MPRIP: variants seen among roughly 807,000 people sequenced by gnomAD.
MPRIP encodes the protein myosin phosphatase Rho-interacting protein.
MPRIP carries 59 observed loss-of-function variants against 234.9 expected under a neutral mutation model. The observed-to-expected ratio is 0.25, with a 90% CI of 0.20 to 0.31. MPRIP has a LOEUF of 0.31. MPRIP is among the 10% of genes least tolerant of loss of function. The pLI is 1.00. For missense variants in MPRIP, 2,436 were observed against 3,071.0 expected (o/e 0.79, Z 4.89); for synonymous variants, 1,144 against 1,263.9 (o/e 0.91, Z 2.01).
chr17:17,058,509 C>A (rs1259591491), intron 1 of MPRIP, among the ~76,000 whole-genome samples: 1 of 147,602 alleles, frequency 6.8e-6, no homozygotes, highest in African/African-American at 2.5e-5. Context: ...AGGAGAGCCC[C>A]AGGGGCCATG....
At position 17,175,314 on chromosome 17, in the gene MPRIP, G is replaced by T. The variant is rs1168809753; in HGVS notation, c.6772G>T (p.Ala2258Ser). 1.2e-6 allele frequency: 2 copies of T among 1,613,454 alleles called. No homozygotes were observed. The highest frequency in any genetic ancestry group is 1.7e-6 in the Non-Finnish European group (2 of 1,179,990). Residue 2258 changes from alanine (A) to serine (S), a missense_variant, in exon 20 of 24, where the codon GCA becomes TCA. Physicochemically the swap from Ala to Ser is moderately conservative, Grantham distance 99. Transcript: ENST00000651222. ...HNQELNNRLA[A>S]EITRLRTLLT... ...CCAGGAGCTGAACAACCGCCTGGCT[G>T]CAGAGATCACACGGTTGCGGACGCT...
At chr17:17,103,582 A>G (rs2090005605) in intron 3 of MPRIP, among the ~76,000 whole-genome samples, 1 of 152,220 alleles carries the variant, frequency 6.6e-6, no homozygotes, top group South Asian at 2.1e-4. Flanking sequence ...GCTGTTAAAA[A>G]AAACTGCCCC....
At chr17:17,123,842 T>G (rs1440702996) in intron 3 of MPRIP, among the ~76,000 whole-genome samples, 2 of 152,154 alleles carry the variant, frequency 1.3e-5, no homozygotes, top group Admixed American at 6.5e-5. Flanking sequence ...AGTTAAAATA[T>G]TCCCTTCTTT....
At chr17:17,080,810 C>T (rs1420039633) in intron 3 of MPRIP, among the ~76,000 whole-genome samples, 2 of 152,318 alleles carry the variant, frequency 1.3e-5, no homozygotes, top group African/African-American at 2.4e-5. Flanking sequence ...TTAAACAGCA[C>T]GGGACTCACC....
chr17:17,087,576 C>T (rs965710605), intron 3 of MPRIP, among the ~76,000 whole-genome samples: 2 of 152,204 alleles, frequency 1.3e-5, no homozygotes, highest in Non-Finnish European at 1.5e-5. Context: ...CACAGGTTGG[C>T]CCTGGCCAGA....
intron 3 of MPRIP, among the ~76,000 whole-genome samples, chr17:17,120,204 C>T (rs1218642963): frequency 6.6e-6 from 1 of 152,210 alleles, no homozygotes; most frequent in Non-Finnish European, 1.5e-5. Context: ...CAAACAGCCT[C>T]TCACCATATT....
In MPRIP at chr17:17,187,525, C is replaced by T. The variant is rs911039076; in HGVS notation, c.*2631C>T. On this transcript the variant is annotated 3_prime_UTR_variant, in exon 24 of 24. Coordinates refer to ENST00000651222, the MANE Select transcript of MPRIP (RefSeq NM_001364716.4). ...CCATCCTGCGATGGAGTGAACCAGG[C>T]GAGAAAGGATGACGATGTTCTTCAT... The T allele has an allele frequency of 7.2e-5, 11 of 152,302 alleles. No homozygotes were observed. In the South Asian group the frequency reaches 8.3e-4, roughly 11 times the overall value. The allele number at this position is 152,302 out of a possible 1,614,324, so 9.4% of individuals were successfully genotyped here.
chr17:17,117,616 A>G (rs148887465), intron 3 of MPRIP, among the ~76,000 whole-genome samples: 29 of 152,322 alleles, frequency 1.9e-4, no homozygotes, highest in African/African-American at 5.8e-4. Context: ...TTGTCCACTG[A>G]TGGACATTTG....
intron 3 of MPRIP, chr17:17,096,669 C>T (rs747219392): frequency 2.2e-4 from 96 of 443,006 alleles, no homozygotes; most frequent in Non-Finnish European, 2.9e-4. Context: ...GCTGATACTC[C>T]GGCTGCCTTG....
chr17:17,083,804 C>T (rs186179433), intron 3 of MPRIP, among the ~76,000 whole-genome samples: 1 of 152,194 alleles, frequency 6.6e-6, no homozygotes, highest in East Asian at 1.9e-4. Flanking sequence ...AGTGCAGTGG[C>T]GTGATCTTGG....
chr17:17,043,664 C>G (rs1211340202), intron 1 of MPRIP, among the ~76,000 whole-genome samples: 1 of 152,200 alleles, frequency 6.6e-6, no homozygotes, highest in East Asian at 1.9e-4. Context: ...CCATTAAACA[C>G]AGAGTTCTGG....
chr17:17,095,495 T>C (rs1465281275), intron 3 of MPRIP, among the ~76,000 whole-genome samples: 4 of 152,140 alleles, frequency 2.6e-5, no homozygotes, highest in Non-Finnish European at 5.9e-5. Flanking sequence ...TTTCCCCTGA[T>C]AGGAATTCTC....
intron 1 of MPRIP, among the ~76,000 whole-genome samples, chr17:17,073,099 G>A (rs1170864163): frequency 2.0e-5 from 3 of 151,830 alleles, no homozygotes; most frequent in South Asian, 2.1e-4. Context: ...AACCCCTTCC[G>A]CCGTCCCAGC....
Position 17,166,807 on chromosome 17 carries a change from A to G in MPRIP, c.5216A>G (p.Asp1739Gly), listed in dbSNP as rs1412174602. The G allele has an allele frequency of 1.8e-5, 24 of 1,304,038 alleles. No homozygotes were observed. Among genetic ancestry groups the G allele is most frequent in the Non-Finnish European group, 2.4e-5 (24 of 988,958 alleles). 80.8% of individuals were successfully genotyped at this position (1,304,038 alleles called of 1,614,324 possible). ...CTCAGGCTTCCAGCGGGCCATGAAGATGGTGTTCAGCTGTCCTGGGACCTG... is the reference window on the plus strand; with the variant it reads ...CTCAGGCTTCCAGCGGGCCATGAAGGTGGTGTTCAGCTGTCCTGGGACCTG... ...EALRLPAGHEDGVQLSWDLSP... is the reference protein window; with the variant it reads ...EALRLPAGHEGGVQLSWDLSP... Residue 1739 changes from aspartate to glycine, a missense_variant, in exon 16 of 24, where the codon GAT becomes GGT. Coordinates refer to ENST00000651222, the MANE Select transcript of MPRIP (RefSeq NM_001364716.4). This position sits in a 1 kb window ranked among gnomAD's most constrained non-coding sequence, Gnocchi z 4.4.
At chr17:17,108,291 C>T (rs2090102522) in intron 3 of MPRIP, among the ~76,000 whole-genome samples, 2 of 152,214 alleles carry the variant, frequency 1.3e-5, no homozygotes, top group African/African-American at 2.4e-5. Flanking sequence ...TCATCAGGCC[C>T]TCTTTGGCCC....
At chr17:17,107,339 G>A (rs536485182) in intron 3 of MPRIP, among the ~76,000 whole-genome samples, 5 of 152,364 alleles carry the variant, frequency 3.3e-5, no homozygotes, top group Admixed American at 2.6e-4. Context: ...GAGCCTCAGA[G>A]CCTGGGCAGG....
chr17:17,175,533 C>T (rs1364938652), intron 20 of MPRIP, 121 bp downstream of exon 20: 3 of 1,302,710 alleles, frequency 2.3e-6, no homozygotes, highest in Non-Finnish European at 3.1e-6. Flanking sequence ...GCAGGAGTCA[C>T]AGGGTCCAGG....
At chr17:17,080,726 G>A (rs886093865) in intron 3 of MPRIP, among the ~76,000 whole-genome samples, 3 of 152,218 alleles carry the variant, frequency 2.0e-5, no homozygotes, top group Admixed American at 1.3e-4. Context: ...GAGCAGTTTC[G>A]ACAGGGGTTT....
intron 7 of MPRIP, among the ~76,000 whole-genome samples, chr17:17,140,918 AC>A (rs2090801662): frequency 6.6e-6 from 1 of 152,058 alleles, no homozygotes; most frequent in Admixed American, 6.5e-5. Flanking sequence ...TTCTGTGCTG[AC>A]CAGTAAGGTG....
Sources: allele counts gnomAD v4.1 joint callset (sites outside exome capture counted in the v4.1 genomes callset), GRCh38; gene constraint gnomAD v4.1.1; non-coding constraint Gnocchi (gnomAD v3.1); transcripts MANE v1.5; gene names NCBI Gene and HGNC (gene_info 2026-07-23, HGNC 2026-07-21).